Variants in PAAF1 observed in about 807,000 individuals in gnomAD.
PAAF1 encodes proteasomal ATPase-associated factor 1.
A neutral mutation model predicts 52.8 loss-of-function variants in PAAF1; 46 were observed. The ratio of observed to expected loss-of-function variants is 0.87; its 90% confidence interval spans 0.69 to 1.11. PAAF1 has a LOEUF of 1.11. Ranked by LOEUF, PAAF1 falls within the 50% of genes most tolerant of loss-of-function variation. PAAF1 has a pLI of 0.00. For synonymous variants in PAAF1, 178 were observed against 172.8 expected, an observed-to-expected ratio of 1.03 and a Z score of -0.24; for missense variants, 424 against 477.4, an observed-to-expected ratio of 0.89 and a Z score of 1.04.
chr11:73,909,531 A>G lies in PAAF1; in HGVS notation c.665A>G (p.Asn222Ser), dbSNP rs749650410. The G allele has an allele frequency of 2.2e-5, 36 of 1,614,080 alleles. No homozygotes were observed. Among genetic ancestry groups the G allele is most frequent in the South Asian group, 3.3e-5 (3 of 91,080 alleles). ...CTTGCAGATTGTGGTTCTTCTATCA[A>G]TGGAGTGGCGGTGGGTGCTGCTGAC... Reference protein sequence around the residue: ...GVLADCGSSINGVAVGAADNS... With the variant: ...GVLADCGSSISGVAVGAADNS... Residue 222 changes from asparagine to serine, a missense_variant, in exon 7 of 12, where the codon AAT becomes AGT. Physicochemically the swap from Asn to Ser is conservative, Grantham distance 46. Coordinates refer to ENST00000310571, the MANE Select transcript of PAAF1 (RefSeq NM_025155.3).
intron 4 of PAAF1, among the ~76,000 whole-genome samples, chr11:73,893,694 G>A (rs555848513): frequency 1.8e-3 from 241 of 136,722 alleles, no homozygotes; most frequent in African/African-American, 6.2e-3. Flanking sequence ...CCAAGATTGC[G>A]CCATTGCACT....
At chr11:73,886,908 C>T (rs531137334) in intron 2 of PAAF1, 43 of 372,638 alleles carry the variant, frequency 1.2e-4, no homozygotes, top group African/African-American at 8.6e-4. Flanking sequence ...TGAGTTCTCA[C>T]TCTGTTCTTT....
Position 73,887,334 on chromosome 11 carries a change from G to T in PAAF1, c.89-20G>T, listed in dbSNP as rs769114570. 6.4e-7 allele frequency: 1 copy of T among 1,551,892 alleles called. No homozygotes were observed. The highest frequency in any genetic ancestry group is 1.2e-5 in the South Asian group (1 of 84,448). ...AAATTTTTCTTATTTTTTGAGACATGCTTCTTTTGTACCATATAGGGAAAC... is the reference window on the plus strand; with the variant it reads ...AAATTTTTCTTATTTTTTGAGACATTCTTCTTTTGTACCATATAGGGAAAC... On this transcript the variant is annotated intron_variant, in intron 2 of 11. Transcript: ENST00000310571.
chr11:73,881,638 A>G (rs957016061), intron 2 of PAAF1, among the ~76,000 whole-genome samples: 3 of 149,342 alleles, frequency 2.0e-5, no homozygotes, highest in Non-Finnish European at 3.0e-5. Context: ...CAACAAACTT[A>G]ATGTTGTTGT....
chr11:73,891,268 C>G (rs370041392), intron 4 of PAAF1, 67 bp downstream of exon 4: 1 of 882,666 alleles, frequency 1.1e-6, no homozygotes. Flanking sequence ...ATTTGCTTGT[C>G]TAGTGCTATA....
chr11:73,899,022 T>C, intron 4 of PAAF1, 124 bp from the exon 5 acceptor site: 1 of 687,748 alleles, frequency 1.5e-6, no homozygotes, highest in Non-Finnish European at 2.4e-6. Context: ...ACAAGTCCTT[T>C]TGTTGGGAAA....
chr11:73,914,103 T>C (rs1950001653), intron 7 of PAAF1, among the ~76,000 whole-genome samples: 1 of 152,140 alleles, frequency 6.6e-6, no homozygotes, highest in African/African-American at 2.4e-5. Context: ...AAAAATAAAT[T>C]TGGATTTACT....
intron 6 of PAAF1, among the ~76,000 whole-genome samples, chr11:73,902,775 C>T (rs1489572421): frequency 6.6e-6 from 1 of 152,198 alleles, no homozygotes; most frequent in Non-Finnish European, 1.5e-5. Flanking sequence ...TGGCTCACTG[C>T]AACCTCTGCC....
chr11:73,876,837 A>G (rs1948755420), upstream of PAAF1: 1 of 578,398 alleles, frequency 1.7e-6, no homozygotes, highest in Non-Finnish European at 2.8e-6. Flanking sequence ...GATCCTCTGT[A>G]CATCCTTTCA....
chr11:73,906,088 A>G (rs994376734), intron 6 of PAAF1, among the ~76,000 whole-genome samples: 4 of 152,220 alleles, frequency 2.6e-5, no homozygotes, highest in Non-Finnish European at 5.9e-5. Context: ...CAATTGCAAA[A>G]TAAGAAACAA....
At chr11:73,910,572 C>T (rs186109865) in intron 7 of PAAF1, among the ~76,000 whole-genome samples, 3 of 152,240 alleles carry the variant, frequency 2.0e-5, no homozygotes, top group African/African-American at 7.2e-5. Context: ...CTTATTTTCC[C>T]ATAATAATAG....
chr11:73,918,490 T>G (rs1175533921), intron 9 of PAAF1, among the ~76,000 whole-genome samples: 1 of 151,134 alleles, frequency 6.6e-6, no homozygotes, highest in Non-Finnish European at 1.5e-5. Flanking sequence ...TTTTTATTTT[T>G]TTTTGAGATG....
chr11:73,906,957 C>T (rs547095796), intron 6 of PAAF1, among the ~76,000 whole-genome samples: 10 of 152,256 alleles, frequency 6.6e-5, no homozygotes, highest in Middle Eastern at 3.4e-3. Flanking sequence ...AAATACTAGC[C>T]CTGCCTGGAT....
rs1341636013 is a variant in PAAF1, at chr11:73,877,064, C to G, written c.43C>G (p.Leu15Val). ...LRIQSDWAQALRKDEGEAWLS... is the reference protein window; with the variant it reads ...LRIQSDWAQAVRKDEGEAWLS... ...GATTCAGAGCGACTGGGCGCAAGCC[C>G]TCAGGTGAATCCAGGCCCAGAACAG... Residue 15 changes from leucine to valine, a missense_variant, in exon 1 of 12, where the codon CTC (leucine) becomes GTC (valine). Physicochemically the swap from Leu to Val is conservative, Grantham distance 32. Transcript: ENST00000310571. The G allele has an allele frequency of 1.3e-6, 2 of 1,537,594 alleles. No individual in the cohort carries two copies. The highest frequency in any genetic ancestry group is 1.2e-5 in the South Asian group (1 of 81,780).
At chr11:73,881,748 C>T (rs1441884941) in intron 2 of PAAF1, among the ~76,000 whole-genome samples, 1 of 151,988 alleles carries the variant, frequency 6.6e-6, no homozygotes, top group Non-Finnish European at 1.5e-5. Flanking sequence ...ACTCTGTTGC[C>T]CAGGCTGGAG....
At chr11:73,880,558 G>A (rs12786118) in intron 2 of PAAF1, 8,498 of 150,452 alleles carry the variant, frequency 0.056, 269 homozygotes, top group Middle Eastern at 0.11. Context: ...GTGGTGGTGG[G>A]CCCCTGTAGT....
intron 4 of PAAF1, among the ~76,000 whole-genome samples, chr11:73,893,396 T>C (rs1225682862): frequency 6.6e-6 from 1 of 152,056 alleles, no homozygotes; most frequent in African/African-American, 2.4e-5. Context: ...TTAAATCTTA[T>C]GTTAAATCAA....
intron 7 of PAAF1, among the ~76,000 whole-genome samples, chr11:73,909,992 C>T (rs1037995155): frequency 6.6e-6 from 1 of 152,154 alleles, no homozygotes; most frequent in Non-Finnish European, 1.5e-5. Flanking sequence ...TGTGTTGGGC[C>T]TCATTCAGAG....
At chr11:73,901,041 A>G (rs1251998104) in intron 6 of PAAF1, among the ~76,000 whole-genome samples, 1 of 151,872 alleles carries the variant, frequency 6.6e-6, no homozygotes, top group African/African-American at 2.4e-5. Context: ...GATAAAGGAA[A>G]AAAAAAATCC....
Sources: allele counts gnomAD v4.1 joint callset (sites outside exome capture counted in the v4.1 genomes callset), GRCh38; gene constraint gnomAD v4.1.1; transcripts MANE v1.5; gene names NCBI Gene and HGNC (gene_info 2026-07-23, HGNC 2026-07-21).